The following LIN54 variants were observed in gnomAD, a reference collection of about 807,000 sequenced individuals.
LIN54 encodes the protein lin-54 DREAM MuvB core complex component.
Under a neutral mutation model 78.7 loss-of-function variants are expected in LIN54, and 9 were observed. The observed-to-expected ratio is 0.11, with a 90% CI of 0.07 to 0.20. LIN54 has a LOEUF of 0.20. LIN54 is among the 10% of genes least tolerant of loss of function. The pLI is 1.00. For missense variants in LIN54, 573 were observed against 889.9 expected (o/e 0.64, Z 4.53); for synonymous variants, 269 against 318.4 (o/e 0.84, Z 1.65).
At position 82,979,046 on chromosome 4, in the gene LIN54, T is replaced by C. The variant is rs530557280; in HGVS notation, c.685-40A>G. 6 of 1,476,718 alleles carry C rather than the reference T, an allele frequency of 4.1e-6. No homozygotes were observed. In the African/African-American group the frequency reaches 4.2e-5, roughly 10 times the overall value. The allele number at this position is 1,476,718 out of a possible 1,614,324, so 91.5% of individuals were successfully genotyped here. A position where few individuals can be genotyped will look rare whatever the true frequency, so the allele number is the denominator to read the frequency against. ...TAACTATGAAGACCATCTGTTTCTATAAAATGCCTATTAAATCAAAATTAT... is the reference window on the plus strand; with the variant it reads ...TAACTATGAAGACCATCTGTTTCTACAAAATGCCTATTAAATCAAAATTAT... On this transcript the variant is annotated intron_variant, in intron 2 of 12. Transcript: ENST00000340417.
At chr4:82,994,828 A>G (rs1337712022) in intron 1 of LIN54, among the ~76,000 whole-genome samples, 13 of 152,156 alleles carry the variant, frequency 8.5e-5, no homozygotes, top group Admixed American at 7.9e-4. Context: ...ATCCCCAAAT[A>G]TGGTGGTGGA....
chr4:83,000,085 G>T (rs189732708), intron 1 of LIN54, among the ~76,000 whole-genome samples: 1 of 152,014 alleles, frequency 6.6e-6, no homozygotes, highest in East Asian at 1.9e-4. Flanking sequence ...ATAGAGATAG[G>T]GTCTCATTAC....
intron 11 of LIN54, among the ~76,000 whole-genome samples, chr4:82,932,663 A>AG (rs949922730): frequency 6.6e-6 from 1 of 151,196 alleles, no homozygotes; most frequent in African/African-American, 2.4e-5. Context: ...TCTTTAAAAA[A>AG]AAAAAAAAAA....
chr4:82,966,212 G>A (rs187798420), intron 4 of LIN54, among the ~76,000 whole-genome samples: 2 of 151,996 alleles, frequency 1.3e-5, no homozygotes, highest in African/African-American at 4.8e-5. Context: ...GGACATCCTC[G>A]TCTAGATAAT....
In LIN54 at chr4:82,927,766, TACA is replaced by T. The variant is rs1273789412; in HGVS notation, c.*333_*335del. 4 of 207,686 alleles carry T rather than the reference TACA, an allele frequency of 1.9e-5. No homozygotes were observed. The highest frequency in any genetic ancestry group is 3.9e-5 in the Non-Finnish European group (4 of 102,618). The allele number at this position is 207,686 out of a possible 1,614,324, so 12.9% of individuals were successfully genotyped here. A position where few individuals can be genotyped will look rare whatever the true frequency, so the allele number is the denominator to read the frequency against. ...TTTGGCTTTTCTATTAACAAAGTCA[TACA>T]ACACCATACATTATAAATTATATGA... On this transcript the variant is annotated 3_prime_UTR_variant, in exon 13 of 13. Coordinates refer to ENST00000340417, the MANE Select transcript of LIN54 (RefSeq NM_194282.4).
rs373661608 is a variant in LIN54, at chr4:82,984,369, C to T, written c.476G>A (p.Ser159Asn). The T allele has an allele frequency of 4.3e-6, 7 of 1,614,042 alleles. No individual in the cohort carries two copies. The African/African-American group carries it at 9.3e-5, about 22-fold the overall frequency. The change falls in exon 2 of 13, where the codon AGC becomes AAC. Residue 159 changes from serine (S) to asparagine (N), a missense_variant. Coordinates refer to ENST00000340417, the MANE Select transcript of LIN54 (RefSeq NM_194282.4). ...GSPIVLALPH[S>N]QLPQAQKVTT... The stretch of plus-strand genomic sequence containing the variant: ...AACTTTCTGAGCCTGGGGTAGTTGG[C>T]TATGGGGTAGTGCTAAAACAATTGG...
At chr4:82,995,778 C>T (rs771169825) in intron 1 of LIN54, among the ~76,000 whole-genome samples, 7 of 151,746 alleles carry the variant, frequency 4.6e-5, no homozygotes, top group South Asian at 2.1e-4. Flanking sequence ...GGATTACAGG[C>T]GTCAGCCTCT....
chr4:82,939,762 G>A, intron 6 of LIN54, 26 bp from the exon 7 acceptor site: 1 of 1,612,530 alleles, frequency 6.2e-7, no homozygotes, highest in Non-Finnish European at 8.5e-7. Flanking sequence ...ATATATCAAT[G>A]ACCACAAAAT....
intron 3 of LIN54, 89 bp downstream of exon 3, chr4:82,978,794 C>A: frequency 2.5e-6 from 2 of 784,416 alleles, no homozygotes; most frequent in Non-Finnish European, 3.9e-6. Context: ...ATATTTGTTA[C>A]ACTAAAACAT....
At chr4:82,978,142 A>C (rs921770547) in intron 3 of LIN54, among the ~76,000 whole-genome samples, 2 of 152,232 alleles carry the variant, frequency 1.3e-5, no homozygotes, top group Non-Finnish European at 2.9e-5. Flanking sequence ...CAAGTAAACT[A>C]AAAGAATAAA....
In LIN54 at chr4:82,951,263, A is replaced by AGGG. The variant is rs1723822560; in HGVS notation, c.952-4790_952-4789insCCC. Among the ~76,000 whole-genome samples the AGGG allele has an allele frequency of 8.5e-5, 13 of 152,308 alleles. No individual in the cohort carries two copies. In the South Asian group the frequency reaches 1.0e-3, roughly 12 times the overall value. Reference sequence around the variant, plus strand: ...AGATGCACGAGAACATTCAGCACTGATGTATTGACTGGTGAAATATTACAA... The same window carrying AGGG: ...AGATGCACGAGAACATTCAGCACTGAGGGTGTATTGACTGGTGAAATATTACAA... On this transcript the variant is annotated intron_variant, in intron 4 of 12. Coordinates refer to ENST00000340417, the MANE Select transcript of LIN54 (RefSeq NM_194282.4).
At chr4:82,974,026 C>T (rs13128446) in intron 3 of LIN54, among the ~76,000 whole-genome samples, 27,663 of 151,864 alleles carry the variant, frequency 0.18, 2,706 homozygotes, top group South Asian at 0.31. Flanking sequence ...CTGGCTAACA[C>T]GGTGAAACCC....
chr4:83,005,027 T>A (rs541119466), intron 1 of LIN54, among the ~76,000 whole-genome samples: 6 of 152,104 alleles, frequency 3.9e-5, no homozygotes, highest in Non-Finnish European at 8.8e-5. Context: ...CCCAAGTAGC[T>A]GGCATTACAG....
At chr4:82,954,575 G>A (rs1724130558) in intron 4 of LIN54, among the ~76,000 whole-genome samples, 1 of 152,058 alleles carries the variant, frequency 6.6e-6, no homozygotes, top group East Asian at 1.9e-4. Flanking sequence ...GTACCACCAT[G>A]CCCGGCTAAT....
At chr4:82,966,524 G>A (rs1725214938) in intron 4 of LIN54, among the ~76,000 whole-genome samples, 1 of 151,534 alleles carries the variant, frequency 6.6e-6, no homozygotes, top group African/African-American at 2.4e-5. Context: ...TTACATCTCA[G>A]TGAGGGGGGA....
At chr4:82,966,079 T>C (rs1300927475) in intron 4 of LIN54, among the ~76,000 whole-genome samples, 1 of 152,242 alleles carries the variant, frequency 6.6e-6, no homozygotes, top group Admixed American at 6.5e-5. Context: ...TTTCTTCTAC[T>C]AACACTTAGT....
chr4:82,936,132 T>C lies in LIN54; in HGVS notation c.1708-14A>G, dbSNP rs1722373995. On this transcript the variant is annotated splice_polypyrimidine_tract_variant and intron_variant, in intron 10 of 12. Coordinates refer to ENST00000340417, the MANE Select transcript of LIN54 (RefSeq NM_194282.4). ...GTCAAGGCATGCCTAGCAAAACAGA[T>C]CAAATATCAGTTAGAGTTAAATCAC... The C allele has an allele frequency of 2.5e-6, 4 of 1,613,878 alleles. No homozygotes were observed. The highest frequency in any genetic ancestry group is 3.3e-4 in the Middle Eastern group (2 of 6,062).
intron 1 of LIN54, among the ~76,000 whole-genome samples, chr4:82,985,607 C>T (rs572337629): frequency 5.9e-5 from 9 of 152,368 alleles, no homozygotes; most frequent in Non-Finnish European, 1.0e-4. Flanking sequence ...GTGGCACAAT[C>T]TCAGCTCACT....
rs139811074 is a variant in LIN54, at chr4:82,972,810, G to A, written c.809-2341C>T. Among the ~76,000 whole-genome samples the A allele has an allele frequency of 8.7e-3, 1,328 of 152,050 alleles. 27 individuals are homozygous for A. Among genetic ancestry groups the A allele is most frequent in the African/African-American group, 0.03 (1,247 of 41,484 alleles). Reference sequence around the variant, plus strand: ...AGCCTGGCCAACATGGTGAAACCCCGTCTCTACTAAAACTACAAAAATTAG... The same window carrying A: ...AGCCTGGCCAACATGGTGAAACCCCATCTCTACTAAAACTACAAAAATTAG... On this transcript the variant is annotated intron_variant, in intron 3 of 12. Coordinates refer to ENST00000340417, the MANE Select transcript of LIN54 (RefSeq NM_194282.4).
Sources: gnomAD v4.1 joint callset for allele counts (sites outside exome capture counted in the v4.1 genomes callset) on GRCh38, gnomAD v4.1.1 for gene constraint, MANE v1.5 for transcripts, NCBI Gene and HGNC (gene_info 2026-07-23, HGNC 2026-07-21) for gene names.